COMMD10: variants seen among roughly 807,000 people sequenced by gnomAD.
COMMD10 encodes the protein COMM domain-containing protein 10.
In COMMD10, 33 loss-of-function variants were observed where a neutral mutation model predicts 28.9. That is an observed-to-expected ratio of 1.14 (90% CI 0.87 to 1.53). The LOEUF (loss-of-function observed/expected upper bound fraction) is 1.53, where lower values mean the gene tolerates loss of function less well. COMMD10 is among the 40% of genes most tolerant of loss of function. The pLI is 0.00. For synonymous variants in COMMD10, 110 were observed against 81.7 expected (o/e 1.35, Z -1.87); for missense variants, 310 against 233.4 (o/e 1.33, Z -2.14).
intron 5 of COMMD10, among the ~76,000 whole-genome samples, chr5:116,260,482 T>A (rs1190652017): frequency 4.0e-5 from 6 of 151,892 alleles, no homozygotes; most frequent in African/African-American, 1.5e-4. Flanking sequence ...AGGCATGTTA[T>A]TTTCAAAAGT....
intron 5 of COMMD10, among the ~76,000 whole-genome samples, chr5:116,145,686 A>G (rs988969946): frequency 6.6e-6 from 1 of 151,836 alleles, no homozygotes; most frequent in Admixed American, 6.6e-5. Context: ...GTGTCAAGGG[A>G]GAGACCAGGT....
chr5:116,158,185 T>C lies in COMMD10; in HGVS notation c.510+24007T>C, dbSNP rs1341544096. 1.2e-4 allele frequency among the ~76,000 whole-genome samples: 15 copies of C among 128,484 alleles called. 3 individuals carry two copies. The highest frequency in any genetic ancestry group is 2.4e-4 in the Non-Finnish European group (15 of 62,042). 84.3% of individuals were successfully genotyped at this position (128,484 alleles called of 152,430 possible). ...CCCTCCTCTCCCTCCGTCTCCCCTCTCTCCGTCTCCCCTCTCTCCGTCTCC... is the reference window on the plus strand; with the variant it reads ...CCCTCCTCTCCCTCCGTCTCCCCTCCCTCCGTCTCCCCTCTCTCCGTCTCC... On this transcript the variant is annotated intron_variant, in intron 5 of 6. Coordinates refer to ENST00000274458, the MANE Select transcript of COMMD10 (RefSeq NM_016144.4).
chr5:116,195,025 A>G (rs1317962201), intron 5 of COMMD10, among the ~76,000 whole-genome samples: 1 of 152,218 alleles, frequency 6.6e-6, no homozygotes, highest in East Asian at 1.9e-4. Context: ...ACAAGTCAAT[A>G]AATGTGATTC....
intron 5 of COMMD10, among the ~76,000 whole-genome samples, chr5:116,282,994 AAGCAAGTTAG>A (rs1271088170): frequency 6.6e-6 from 1 of 151,946 alleles, no homozygotes; most frequent in African/African-American, 2.4e-5. Context: ...TGTGGGAACT[AAGCAAGTTAG>A]ATTAGAGAAG....
At chr5:116,209,056 C>G (rs1254308619) in intron 5 of COMMD10, among the ~76,000 whole-genome samples, 2 of 152,052 alleles carry the variant, frequency 1.3e-5, no homozygotes, top group East Asian at 3.8e-4. Flanking sequence ...ATTCCTCTTC[C>G]ATGGCTATTC....
intron 5 of COMMD10, among the ~76,000 whole-genome samples, chr5:116,193,958 T>G (rs62384229): frequency 0.065 from 9,828 of 152,110 alleles, 429 homozygotes; most frequent in Admixed American, 0.12. Flanking sequence ...TGAAATGATA[T>G]CAAGCCACTC....
intron 5 of COMMD10, among the ~76,000 whole-genome samples, chr5:116,159,650 G>A (rs1445029337): frequency 6.6e-6 from 1 of 152,212 alleles, no homozygotes; most frequent in African/African-American, 2.4e-5. Flanking sequence ...CTAGATGCTT[G>A]TACATGATAA....
At chr5:116,226,918 C>T (rs906809718) in intron 5 of COMMD10, among the ~76,000 whole-genome samples, 1 of 152,026 alleles carries the variant, frequency 6.6e-6, no homozygotes, top group African/African-American at 2.4e-5. Flanking sequence ...AAATATTAAA[C>T]ACTCTTTTTC....
At chr5:116,085,957 GA>G (rs1420347798) in intron 1 of COMMD10, among the ~76,000 whole-genome samples, 7 of 152,198 alleles carry the variant, frequency 4.6e-5, no homozygotes, top group African/African-American at 1.4e-4. Context: ...AAGAACTGGA[GA>G]AGACGCACAA....
chr5:116,216,715 G>T (rs1198770668), intron 5 of COMMD10, among the ~76,000 whole-genome samples: 1 of 152,028 alleles, frequency 6.6e-6, no homozygotes, highest in Non-Finnish European at 1.5e-5. Context: ...TGCATTTTTA[G>T]TAGAGATGGG....
chr5:116,116,306 T>C (rs1233765110), intron 4 of COMMD10, among the ~76,000 whole-genome samples: 1 of 152,220 alleles, frequency 6.6e-6, no homozygotes, highest in Non-Finnish European at 1.5e-5. Flanking sequence ...ACTTATGTTC[T>C]CTTGTTTTAT....
intron 5 of COMMD10, among the ~76,000 whole-genome samples, chr5:116,288,331 C>T (rs1460541792): frequency 6.6e-6 from 1 of 151,726 alleles, no homozygotes; most frequent in African/African-American, 2.4e-5. Flanking sequence ...TATGGAAGCT[C>T]CCTCATATGT....
intron 5 of COMMD10, among the ~76,000 whole-genome samples, chr5:116,243,040 A>G (rs1439813074): frequency 1.3e-5 from 2 of 152,172 alleles, no homozygotes; most frequent in African/African-American, 4.8e-5. Context: ...TCTTTATTAA[A>G]TAATACCCTG....
Position 116,185,412 on chromosome 5 carries a change from T to G in COMMD10, c.510+51234T>G, listed in dbSNP as rs771377015. Among the ~76,000 whole-genome samples the G allele has an allele frequency of 9.9e-5, 15 of 152,088 alleles. 1 individual carries two copies. The highest frequency in any genetic ancestry group is 2.1e-4 in the Non-Finnish European group (14 of 67,990). ...TTGTATTTCTGTGCAAGATATTGAT[T>G]GAACAAAGGGGTCTGTGTATTACAA... On this transcript the variant is annotated intron_variant, in intron 5 of 6. Transcript: ENST00000274458.
chr5:116,226,401 G>A (rs4591785), intron 5 of COMMD10, among the ~76,000 whole-genome samples: 147,341 of 149,714 alleles, frequency 0.98, 72,546 homozygotes, highest in East Asian at 1. Context: ...GTTCATGTTT[G>A]CACTTTGTAC....
In COMMD10 at chr5:116,143,693, A is replaced by T. The variant is rs183006885; in HGVS notation, c.510+9515A>T. 5.1e-4 allele frequency among the ~76,000 whole-genome samples: 78 copies of T among 152,028 alleles called. 4 individuals carry two copies. In the East Asian group the frequency reaches 0.013, roughly 24 times the overall value. On this transcript the variant is annotated intron_variant, in intron 5 of 6. Coordinates refer to ENST00000274458, the MANE Select transcript of COMMD10 (RefSeq NM_016144.4). ...AATAATATAAATATTTTGACATAAA[A>T]GTATTAACAATGAATTAGACATCTG...
intron 5 of COMMD10, among the ~76,000 whole-genome samples, chr5:116,244,632 A>G (rs1226218901): frequency 6.8e-6 from 1 of 147,466 alleles, no homozygotes; most frequent in Non-Finnish European, 1.5e-5. Flanking sequence ...TACCATTACC[A>G]CTTAACAAGT....
chr5:116,269,683 C>G (rs1243057027), intron 5 of COMMD10, among the ~76,000 whole-genome samples: 3 of 151,700 alleles, frequency 2.0e-5, no homozygotes, highest in Non-Finnish European at 2.9e-5. Flanking sequence ...TTAAGTTTCC[C>G]TTTCCCCTCA....
At chr5:116,256,034 A>G (rs1174244044) in intron 5 of COMMD10, among the ~76,000 whole-genome samples, 1 of 151,666 alleles carries the variant, frequency 6.6e-6, no homozygotes, top group African/African-American at 2.4e-5. Context: ...TCAGCTAAAT[A>G]AAGTAGCGCA....
Sources: allele counts gnomAD v4.1 joint callset (sites outside exome capture counted in the v4.1 genomes callset), GRCh38; gene constraint gnomAD v4.1.1; transcripts MANE v1.5; gene names NCBI Gene and HGNC (gene_info 2026-07-23, HGNC 2026-07-21).